CAMK1D: variants seen among roughly 807,000 people sequenced by gnomAD.
CAMK1D encodes calcium/calmodulin dependent protein kinase ID, also known as calcium/calmodulin-dependent protein kinase type 1D.
A neutral mutation model predicts 47.7 loss-of-function variants in CAMK1D; 9 were observed. The observed-to-expected ratio is 0.19, with a 90% confidence interval of 0.11 to 0.33. The LOEUF is 0.33. Among genes scored for constraint, CAMK1D ranks in the 10% least tolerant of loss-of-function variants. CAMK1D has a pLI of 1.00. For synonymous variants in CAMK1D, 184 were observed against 184.9 expected (o/e 0.99, Z 0.04); for missense variants, 291 against 488.7 (o/e 0.60, Z 3.81).
intron 1 of CAMK1D, among the ~76,000 whole-genome samples, chr10:12,480,455 A>T (rs369522822): frequency 8.9e-6 from 1 of 112,986 alleles, no homozygotes; most frequent in Non-Finnish European, 2.2e-5. Flanking sequence ...AACAAAAAAC[A>T]AAAAAAAACC....
chr10:12,510,098 G>A (rs898863904), intron 1 of CAMK1D, among the ~76,000 whole-genome samples: 1 of 152,158 alleles, frequency 6.6e-6, no homozygotes, highest in Non-Finnish European at 1.5e-5. Context: ...GTGCCCTGTG[G>A]GCCCTTAGCT....
intron 1 of CAMK1D, among the ~76,000 whole-genome samples, chr10:12,475,060 G>A (rs1389664292): frequency 3.9e-5 from 6 of 152,088 alleles, no homozygotes; most frequent in Admixed American, 2.6e-4. Context: ...TGCAGTGAAC[G>A]TAGCATGCAT....
chr10:12,358,322 G>T (rs1279129269), intron 1 of CAMK1D, among the ~76,000 whole-genome samples: 1 of 152,186 alleles, frequency 6.6e-6, no homozygotes, highest in Non-Finnish European at 1.5e-5. Flanking sequence ...TGGATCACCT[G>T]AGGTCAGGAG....
At chr10:12,361,748 G>A (rs1360757983) in intron 1 of CAMK1D, among the ~76,000 whole-genome samples, 1 of 151,082 alleles carries the variant, frequency 6.6e-6, no homozygotes, top group Non-Finnish European at 1.5e-5. Flanking sequence ...TAGAGACGAG[G>A]TTTCACCATG....
At chr10:12,792,650 G>A (rs141799642) in intron 6 of CAMK1D, among the ~76,000 whole-genome samples, 176 of 152,212 alleles carry the variant, frequency 1.2e-3, no homozygotes, top group African/African-American at 3.9e-3. Context: ...TTTCTCCAGC[G>A]TTCAGCTGGG....
intron 1 of CAMK1D, among the ~76,000 whole-genome samples, chr10:12,464,496 A>G (rs958576303): frequency 6.6e-6 from 1 of 152,114 alleles, no homozygotes; most frequent in Admixed American, 6.6e-5. Context: ...GTTTAGTGTT[A>G]GTGGCTGATG....
intron 3 of CAMK1D, among the ~76,000 whole-genome samples, chr10:12,758,026 A>T: frequency 6.6e-6 from 1 of 151,744 alleles, no homozygotes; most frequent in African/African-American, 2.4e-5. Context: ...TAATTTTTGT[A>T]TTTTTGTAGA....
intron 1 of CAMK1D, among the ~76,000 whole-genome samples, chr10:12,400,110 G>T (rs1041588733): frequency 6.6e-6 from 1 of 152,170 alleles, no homozygotes; most frequent in Non-Finnish European, 1.5e-5. Flanking sequence ...TGTCATTTGC[G>T]CCTGGATGTT....
intron 1 of CAMK1D, among the ~76,000 whole-genome samples, chr10:12,369,260 C>T (rs972947735): frequency 1.3e-5 from 2 of 152,162 alleles, no homozygotes; most frequent in Non-Finnish European, 2.9e-5. Context: ...CCAAAGGGCT[C>T]ATAGGTCCTG....
intron 2 of CAMK1D, among the ~76,000 whole-genome samples, chr10:12,574,308 C>CT (rs796291503): frequency 6.3e-4 from 91 of 143,726 alleles, no homozygotes; most frequent in Middle Eastern, 3.5e-3. Flanking sequence ...CTGTTTTGTC[C>CT]TTTTTTTTTT....
chr10:12,694,551 T>G (rs187922257), intron 3 of CAMK1D, among the ~76,000 whole-genome samples: 3,722 of 86,178 alleles, frequency 0.043, 189 homozygotes, highest in African/African-American at 0.14. Context: ...AAATATATAT[T>G]ATATATAAAA....
chr10:12,381,255 G>C (rs989017557), intron 1 of CAMK1D, among the ~76,000 whole-genome samples: 1 of 152,116 alleles, frequency 6.6e-6, no homozygotes, highest in Non-Finnish European at 1.5e-5. Flanking sequence ...AGCTTGACTT[G>C]GGTGATTGCT....
intron 3 of CAMK1D, among the ~76,000 whole-genome samples, chr10:12,670,550 GA>G (rs1007678331): frequency 1.4e-5 from 2 of 138,614 alleles, no homozygotes; most frequent in African/African-American, 2.5e-5. Context: ...AGTGTACAAT[GA>G]AATTTTTTTT....
chr10:12,640,245 C>A (rs1839629737), intron 2 of CAMK1D, among the ~76,000 whole-genome samples: 1 of 152,146 alleles, frequency 6.6e-6, no homozygotes, highest in Non-Finnish European at 1.5e-5. Flanking sequence ...CCCACCCCTT[C>A]TGGTTCAGCA....
intron 3 of CAMK1D, among the ~76,000 whole-genome samples, chr10:12,687,600 A>T (rs978133406): frequency 5.3e-5 from 8 of 152,210 alleles, no homozygotes; most frequent in African/African-American, 1.9e-4. Flanking sequence ...TCAAATCATT[A>T]AACCAAAGGC....
chr10:12,378,550 T>G (rs959348994), intron 1 of CAMK1D, among the ~76,000 whole-genome samples: 1 of 151,986 alleles, frequency 6.6e-6, no homozygotes, highest in Admixed American at 6.6e-5. Flanking sequence ...GTATTTTTTT[T>G]TTTTTTGAAC....
chr10:12,627,266 A>G, intron 2 of CAMK1D, among the ~76,000 whole-genome samples: 1 of 151,546 alleles, frequency 6.6e-6, no homozygotes, highest in Non-Finnish European at 1.5e-5. Context: ...GTATTTTTTT[A>G]GTAGAGTTGG....
chr10:12,827,073 G>T (rs565696900), intron 10 of CAMK1D, among the ~76,000 whole-genome samples: 8 of 152,338 alleles, frequency 5.3e-5, no homozygotes, highest in Admixed American at 3.9e-4. Context: ...GGACTGCTGA[G>T]CTCACACAGG....
chr10:12,401,199 TATATATA>T, intron 1 of CAMK1D, among the ~76,000 whole-genome samples: 1 of 48,080 alleles, frequency 2.1e-5, no homozygotes, highest in African/African-American at 9.2e-5. Context: ...ATATTTTATA[TATATATA>T]ATATATGTAT....
Sources: allele counts gnomAD v4.1 joint callset (sites outside exome capture counted in the v4.1 genomes callset), GRCh38; gene constraint gnomAD v4.1.1; transcripts MANE v1.5; gene names NCBI Gene and HGNC (gene_info 2026-07-23, HGNC 2026-07-21).